DROSHA: variants seen among roughly 807,000 people sequenced by gnomAD.
DROSHA encodes drosha ribonuclease III.
A neutral mutation model predicts 181.9 loss-of-function variants in DROSHA; 56 were observed. The observed-to-expected ratio is 0.31, with a 90% CI of 0.25 to 0.38. The LOEUF (loss-of-function observed/expected upper bound fraction) is 0.38. DROSHA is among the 10% of genes least tolerant of loss of function. The pLI is 1.00. For missense variants in DROSHA, 1,218 were observed against 1,743.5 expected (o/e 0.70, Z 5.37); for synonymous variants, 524 against 591.2 (o/e 0.89, Z 1.65).
intron 16 of DROSHA, among the ~76,000 whole-genome samples, chr5:31,480,755 T>A (rs1056211847): frequency 2.0e-5 from 3 of 152,202 alleles, no homozygotes; most frequent in South Asian, 4.1e-4. Flanking sequence ...CCCTGCTATG[T>A]GCCATGAAGT....
intron 18 of DROSHA, among the ~76,000 whole-genome samples, chr5:31,466,689 T>A (rs773228294): frequency 2.0e-4 from 30 of 152,210 alleles, no homozygotes; most frequent in Non-Finnish European, 4.1e-4. Flanking sequence ...AGGGAGACTG[T>A]CAGTTGCTGA....
chr5:31,477,140 A>G (rs1252055007), intron 16 of DROSHA, among the ~76,000 whole-genome samples: 1 of 152,192 alleles, frequency 6.6e-6, no homozygotes, highest in Non-Finnish European at 1.5e-5. Context: ...TGTTTCAGGG[A>G]ATGAATCTGG....
At chr5:31,434,916 C>T (rs1744605950) in intron 25 of DROSHA, among the ~76,000 whole-genome samples, 2 of 152,242 alleles carry the variant, frequency 1.3e-5, no homozygotes, top group African/African-American at 2.4e-5. Context: ...AAATTATTAA[C>T]ATCTTTGTGT....
intron 11 of DROSHA, among the ~76,000 whole-genome samples, chr5:31,499,110 G>A (rs1753315649): frequency 6.6e-6 from 1 of 152,184 alleles, no homozygotes; most frequent in Admixed American, 6.5e-5. Flanking sequence ...GTCCACATCA[G>A]GTACTGAGCA....
intron 16 of DROSHA, among the ~76,000 whole-genome samples, chr5:31,478,961 G>C (rs1249741068): frequency 6.6e-6 from 1 of 152,104 alleles, no homozygotes; most frequent in Non-Finnish European, 1.5e-5. Flanking sequence ...GATAGACACA[G>C]ACTATTTCTG....
At chr5:31,445,268 A>T (rs1159727809) in intron 23 of DROSHA, among the ~76,000 whole-genome samples, 2 of 152,190 alleles carry the variant, frequency 1.3e-5, no homozygotes, top group African/African-American at 4.8e-5. Context: ...GCCATTAAGC[A>T]TTTGCTTCCA....
At chr5:31,459,879 G>T (rs1298253922) in intron 20 of DROSHA, among the ~76,000 whole-genome samples, 1 of 152,180 alleles carries the variant, frequency 6.6e-6, no homozygotes, top group Non-Finnish European at 1.5e-5. Flanking sequence ...CAGTTCTCCA[G>T]GCACCTGTGC....
rs544524791 is a variant in DROSHA, at chr5:31,518,834, G to A, written c.947+2289C>T. ...GTTCTAAAAAGAAATTCCACCAAAT[G>A]TTTTATTGCCAAGAAACACAGGCAA... On this transcript the variant is annotated intron_variant, in intron 6 of 35. Coordinates refer to ENST00000344624, the MANE Select transcript of DROSHA (RefSeq NM_001382508.1). 2.6e-5 allele frequency among the ~76,000 whole-genome samples: 4 copies of A among 152,322 alleles called. No individual in the cohort carries two copies. The South Asian group carries it at 8.3e-4, about 32-fold the overall frequency.
chr5:31,498,402 T>C (rs930111513), intron 11 of DROSHA, among the ~76,000 whole-genome samples: 1 of 150,550 alleles, frequency 6.6e-6, no homozygotes, highest in African/African-American at 2.5e-5. Flanking sequence ...ATGAATAAAC[T>C]GAAAAAAAAA....
chr5:31,501,456 C>T lies in DROSHA; in HGVS notation c.1668+3099G>A, dbSNP rs148935797. On this transcript the variant is annotated intron_variant, in intron 11 of 35. Coordinates refer to ENST00000344624, the MANE Select transcript of DROSHA (RefSeq NM_001382508.1). ...TCCTAATGGGAAAGCCAAGCAGAAA[C>T]GAAATTACCACCACCCCCGTCAACC... Among the ~76,000 whole-genome samples the T allele has an allele frequency of 7.2e-5, 11 of 151,900 alleles. No individual in the cohort carries two copies. In the East Asian group the frequency reaches 9.8e-4, roughly 13 times the overall value.
chr5:31,517,920 TA>T (rs976222972), intron 6 of DROSHA, among the ~76,000 whole-genome samples: 10 of 146,414 alleles, frequency 6.8e-5, no homozygotes, highest in Non-Finnish European at 9.1e-5. Context: ...TTTTAATAAC[TA>T]AAAAAAAAAG....
At chr5:31,510,451 C>T (rs1209075994) in intron 9 of DROSHA, among the ~76,000 whole-genome samples, 3 of 152,226 alleles carry the variant, frequency 2.0e-5, no homozygotes, top group Non-Finnish European at 4.4e-5. Flanking sequence ...TAGCTAAATG[C>T]ACACTGAATG....
At chr5:31,459,142 A>G (rs1748047308) in intron 20 of DROSHA, among the ~76,000 whole-genome samples, 2 of 152,246 alleles carry the variant, frequency 1.3e-5, no homozygotes, top group African/African-American at 4.8e-5. Flanking sequence ...ATGATATTAC[A>G]GAAATGCTTC....
intron 18 of DROSHA, chr5:31,466,493 A>T: frequency 2.1e-6 from 1 of 473,620 alleles, no homozygotes; most frequent in Non-Finnish European, 3.8e-6. Context: ...GATTAAGTTG[A>T]TTATTGCTTA....
At chr5:31,431,512 T>C in intron 26 of DROSHA, 64 bp downstream of exon 26, 1 of 1,549,676 alleles carries the variant, frequency 6.5e-7, no homozygotes, top group Non-Finnish European at 8.9e-7. Flanking sequence ...CACTAAATTT[T>C]ATGTGCTCTC....
chr5:31,508,733 G>A lies in DROSHA; in HGVS notation c.1475C>T (p.Thr492Ile). The A allele has an allele frequency of 1.9e-6, 3 of 1,613,868 alleles. No homozygotes were observed. Among genetic ancestry groups the A allele is most frequent in the East Asian group, 4.5e-5 (2 of 44,874 alleles). ...TTCAGAGTCTGAGCTGCTAGAACAG[G>A]TGCTGTCCTCATCAGACTCACACTC... is the stretch of plus-strand genomic sequence containing the variant. ...ESECESDEDSTCSSSSDSEVF... is the reference protein window; with the variant it reads ...ESECESDEDSICSSSSDSEVF... Residue 492 changes from threonine (T) to isoleucine (I), a missense_variant, in exon 10 of 36, where the codon ACC becomes ATC. Around this residue, in one of 8 missense-constraint regions of DROSHA, gnomAD observed 460 missense variants for 774.2 expected, o/e 0.59. Coordinates refer to ENST00000344624, the MANE Select transcript of DROSHA (RefSeq NM_001382508.1).
At chr5:31,495,145 A>T in intron 12 of DROSHA, 141 bp downstream of exon 12, 1 of 915,244 alleles carries the variant, frequency 1.1e-6, no homozygotes, top group South Asian at 1.6e-5. Flanking sequence ...CGTCATCGTG[A>T]GAAAGGCCAA....
intron 15 of DROSHA, among the ~76,000 whole-genome samples, 166 bp downstream of exon 15, chr5:31,484,715 T>C (rs563057058): frequency 2.6e-5 from 4 of 152,324 alleles, no homozygotes; most frequent in African/African-American, 7.2e-5. Context: ...TAGAAACTTA[T>C]TCATGTCAAA....
chr5:31,467,523 C>T (rs181470271), intron 18 of DROSHA: 1 of 152,250 alleles, frequency 6.6e-6, no homozygotes, highest in East Asian at 1.9e-4. Flanking sequence ...TGCATGTGAT[C>T]TTGAACTCTT....
Sources: gnomAD v4.1 joint callset for allele counts (sites outside exome capture counted in the v4.1 genomes callset) on GRCh38, gnomAD v4.1.1 for gene constraint, gnomAD v4.1.1 regional missense constraint, MANE v1.5 for transcripts, NCBI Gene and HGNC (gene_info 2026-07-23, HGNC 2026-07-21) for gene names.